MAGI1: variants seen among roughly 807,000 people sequenced by gnomAD.
MAGI1 encodes the protein membrane associated guanylate kinase, WW and PDZ domain containing 1.
MAGI1 carries 58 observed loss-of-function variants against 139.9 expected under a neutral mutation model. The ratio of observed to expected loss-of-function variants is 0.41; its 90% CI spans 0.34 to 0.52. MAGI1 has a LOEUF of 0.52. Among genes scored for constraint, MAGI1 ranks in the 20% least tolerant of loss-of-function variants. The pLI, the probability that MAGI1 is intolerant of heterozygous loss-of-function variation, is 0.12. For missense variants in MAGI1, 1,874 were observed against 1,901.6 expected (o/e 0.99, Z 0.27); for synonymous variants, 812 against 737.9 (o/e 1.10, Z -1.63).
chr3:65,470,523 G>GATAGAGA (rs540539624), intron 4 of MAGI1, 39 bp from the exon 5 acceptor site: 5 of 933,748 alleles, frequency 5.4e-6, no homozygotes, highest in Non-Finnish European at 6.3e-6. Context: ...GAGAGAGAGA[G>GATAGAGA]AAAAAAAAAA....
chr3:65,860,202 G>A (rs2059509045), intron 1 of MAGI1, among the ~76,000 whole-genome samples: 1 of 151,966 alleles, frequency 6.6e-6, no homozygotes. Flanking sequence ...AGCCTAATCA[G>A]GTATTTTTTC....
At chr3:65,898,394 A>T (rs2061073124) in intron 1 of MAGI1, among the ~76,000 whole-genome samples, 1 of 152,242 alleles carries the variant, frequency 6.6e-6, no homozygotes, top group Non-Finnish European at 1.5e-5. Flanking sequence ...GTGGCATCAT[A>T]AAAAGTAGGC....
chr3:65,616,641 T>C (rs1053361417), intron 2 of MAGI1, among the ~76,000 whole-genome samples: 4 of 152,156 alleles, frequency 2.6e-5, no homozygotes, highest in Non-Finnish European at 4.4e-5. Flanking sequence ...TTAGTTTAGA[T>C]AGAGGACAAG....
intron 1 of MAGI1, among the ~76,000 whole-genome samples, chr3:65,630,792 C>G (rs1476698246): frequency 6.6e-6 from 1 of 152,170 alleles, no homozygotes; most frequent in Non-Finnish European, 1.5e-5. Flanking sequence ...GCACTCAAAT[C>G]TCAGAATTCA....
At chr3:65,466,856 C>G (rs1320051944) in intron 5 of MAGI1, among the ~76,000 whole-genome samples, 2 of 152,248 alleles carry the variant, frequency 1.3e-5, no homozygotes, top group African/African-American at 2.4e-5. Flanking sequence ...CCTAGTCCCA[C>G]AGCCTGTCAA....
At chr3:65,719,244 T>C (rs567075599) in intron 1 of MAGI1, among the ~76,000 whole-genome samples, 4 of 151,992 alleles carry the variant, frequency 2.6e-5, no homozygotes, top group East Asian at 3.9e-4. Context: ...TATATGGATA[T>C]ATATTACATA....
intron 18 of MAGI1, 96 bp from the exon 19 acceptor site, chr3:65,365,042 G>A: frequency 3.2e-6 from 3 of 937,148 alleles, no homozygotes; most frequent in Non-Finnish European, 5.3e-6. Flanking sequence ...AATAACAAGT[G>A]TGACTTCTCT....
chr3:66,036,698 T>A (rs1274540649), intron 1 of MAGI1, among the ~76,000 whole-genome samples: 1 of 152,224 alleles, frequency 6.6e-6, no homozygotes, highest in Admixed American at 6.5e-5. Flanking sequence ...GAGGACCAGC[T>A]AGGCCCAGCC....
intron 12 of MAGI1, among the ~76,000 whole-genome samples, chr3:65,411,494 C>CG (rs1945790847): frequency 6.6e-6 from 1 of 152,104 alleles, no homozygotes; most frequent in South Asian, 2.1e-4. Context: ...ATAGGATGTA[C>CG]GGGGGGATTA....
intron 1 of MAGI1, among the ~76,000 whole-genome samples, chr3:65,751,647 T>C (rs889753282): frequency 1.3e-5 from 2 of 152,148 alleles, no homozygotes; most frequent in Non-Finnish European, 2.9e-5. Context: ...CACTGAAGAA[T>C]GGTCTTTGCA....
Position 65,419,848 on chromosome 3 carries a change from G to C in MAGI1, c.2167+9672C>G, listed in dbSNP as rs183574508. On this transcript the variant is annotated intron_variant, in intron 12 of 22. Transcript: ENST00000402939. ...ACATATCGCCTGCTACAAGGGCAGA[G>C]TAGAGTAGTGGGGACAGAGACTGTA... is the stretch of plus-strand genomic sequence containing the variant. 4.6e-5 allele frequency among the ~76,000 whole-genome samples: 7 copies of C among 152,290 alleles called. No individual in the cohort carries two copies. In the East Asian group the frequency reaches 1.4e-3, roughly 30 times the overall value.
At chr3:65,495,202 T>C (rs1313383038) in intron 2 of MAGI1, among the ~76,000 whole-genome samples, 4 of 152,210 alleles carry the variant, frequency 2.6e-5, no homozygotes, top group African/African-American at 9.7e-5. Context: ...CTCCAACCTG[T>C]GGTCTTGGAC....
chr3:65,667,658 A>G (rs1475786705), intron 1 of MAGI1, among the ~76,000 whole-genome samples: 1 of 152,050 alleles, frequency 6.6e-6, no homozygotes, highest in Non-Finnish European at 1.5e-5. Flanking sequence ...TGCAGCCTCA[A>G]CCTCCTGGGC....
intron 1 of MAGI1, among the ~76,000 whole-genome samples, chr3:65,690,575 G>C (rs62245037): frequency 0.57 from 85,974 of 151,258 alleles, 25,412 homozygotes; most frequent in African/African-American, 0.72. Context: ...CTCCTGGGTT[G>C]AAGTGATTCT....
chr3:65,792,856 C>G (rs996457350), intron 1 of MAGI1, among the ~76,000 whole-genome samples: 1 of 152,064 alleles, frequency 6.6e-6, no homozygotes, highest in Non-Finnish European at 1.5e-5. Context: ...ACTGACACCA[C>G]GGAAAGCAAA....
chr3:65,387,159 A>G, intron 14 of MAGI1: 1 of 1,614,056 alleles, frequency 6.2e-7, no homozygotes, highest in Non-Finnish European at 8.5e-7. Flanking sequence ...ATTCTCCAAA[A>G]TTCGTGGAAT....
At chr3:65,680,480 A>C (rs1381548016) in intron 1 of MAGI1, among the ~76,000 whole-genome samples, 1 of 152,156 alleles carries the variant, frequency 6.6e-6, no homozygotes, top group Non-Finnish European at 1.5e-5. Context: ...GCAGTGGTGC[A>C]TCACAGCTCA....
chr3:65,435,466 A>C (rs1319563927), intron 10 of MAGI1, among the ~76,000 whole-genome samples: 1 of 102,910 alleles, frequency 9.7e-6, no homozygotes, highest in Non-Finnish European at 2.0e-5. Context: ...CTATATGTAT[A>C]TGTGGATGGA....
chr3:65,880,051 G>A (rs147631371), intron 1 of MAGI1, among the ~76,000 whole-genome samples: 42 of 152,296 alleles, frequency 2.8e-4, no homozygotes, highest in South Asian at 8.3e-4. Flanking sequence ...AGACCAGCCT[G>A]GGCAACATGA....
Sources: allele counts gnomAD v4.1 joint callset (sites outside exome capture counted in the v4.1 genomes callset), GRCh38; gene constraint gnomAD v4.1.1; transcripts MANE v1.5; gene names NCBI Gene and HGNC (gene_info 2026-07-23, HGNC 2026-07-21).